MTHFD1L: variants seen among roughly 807,000 people sequenced by gnomAD.
The protein encoded by MTHFD1L is methylenetetrahydrofolate dehydrogenase (NADP+ dependent) 1 like, also known as monofunctional C1-tetrahydrofolate synthase, mitochondrial.
In MTHFD1L, 81 loss-of-function variants were observed where a neutral mutation model predicts 119.5. The observed-to-expected ratio is 0.68, with a 90% CI of 0.57 to 0.82. MTHFD1L has a LOEUF of 0.82. Ranked by LOEUF, MTHFD1L falls within the 40% of genes least tolerant of loss-of-function variation. The pLI is 0.00. For synonymous variants in MTHFD1L, 430 were observed against 475.2 expected (o/e 0.90, Z 1.24); for missense variants, 1,125 against 1,253.4 (o/e 0.90, Z 1.55).
intron 4 of MTHFD1L, among the ~76,000 whole-genome samples, chr6:150,878,637 G>C (rs994359172): frequency 6.6e-6 from 1 of 152,198 alleles, no homozygotes; most frequent in Non-Finnish European, 1.5e-5. Context: ...AGGAGCTCAG[G>C]CTCCTGTCCC....
Position 150,899,995 on chromosome 6 carries a change from T to TA in MTHFD1L, c.781-5655_781-5654insA, listed in dbSNP as rs1428036735. ...CAAAAAAAAATAGATATATATATAT[T>TA]TTTTATATTATATTATATATTATAT... On this transcript the variant is annotated intron_variant, in intron 7 of 27. Coordinates refer to ENST00000367321, the MANE Select transcript of MTHFD1L (RefSeq NM_015440.5). Among the ~76,000 whole-genome samples the TA allele has an allele frequency of 3.8e-4, 56 of 147,448 alleles. No individual in the cohort carries two copies. In the South Asian group the frequency reaches 4.9e-3, roughly 13 times the overall value.
chr6:150,977,907 T>G (rs886533015), intron 20 of MTHFD1L, among the ~76,000 whole-genome samples: 1 of 151,486 alleles, frequency 6.6e-6, no homozygotes, highest in Admixed American at 6.6e-5. Flanking sequence ...TACACCTTTT[T>G]TTTTTTTTTT....
chr6:151,066,087 A>G (rs905182141), intron 26 of MTHFD1L, among the ~76,000 whole-genome samples: 2 of 152,244 alleles, frequency 1.3e-5, no homozygotes, highest in Non-Finnish European at 2.9e-5. Context: ...AGTGATCTCC[A>G]TACTCACAAA....
chr6:151,079,819 T>C (rs1446803612), intron 26 of MTHFD1L, among the ~76,000 whole-genome samples: 1 of 150,990 alleles, frequency 6.6e-6, no homozygotes, highest in Non-Finnish European at 1.5e-5. Context: ...TAGTAAGCCC[T>C]AAAGAGCAGT....
chr6:150,951,090 G>A (rs1399962584), intron 16 of MTHFD1L, among the ~76,000 whole-genome samples: 3 of 145,658 alleles, frequency 2.1e-5, no homozygotes, highest in Admixed American at 6.9e-5. Context: ...AGGTTGGAGT[G>A]CAGTAGTGCA....
intron 20 of MTHFD1L, among the ~76,000 whole-genome samples, chr6:150,991,835 G>A (rs1779104892): frequency 6.6e-6 from 1 of 152,198 alleles, no homozygotes; most frequent in African/African-American, 2.4e-5. Flanking sequence ...TGAAATAGTG[G>A]TTTCAGGAAG....
rs775312534 is a variant in MTHFD1L at position 150,905,724 on chromosome 6, A to AACT, written c.859_861dup (p.Thr287dup). The stretch of plus-strand genomic sequence containing the variant: ...TTCCCCTTACTTGGATACAACCAGG[A>AACT]ACTACTGTTCTCAACTGCTCCCATG... On this transcript the variant is annotated inframe_insertion, in exon 8 of 28. Transcript: ENST00000367321. 6 of 1,614,176 alleles carry AACT rather than the reference A, an allele frequency of 3.7e-6. No homozygotes were observed. The highest frequency in any genetic ancestry group is 8.5e-7 in the Non-Finnish European group (1 of 1,180,004).
At chr6:150,986,196 T>G (rs898832233) in intron 20 of MTHFD1L, among the ~76,000 whole-genome samples, 9 of 152,248 alleles carry the variant, frequency 5.9e-5, no homozygotes, top group African/African-American at 2.2e-4. Flanking sequence ...CTCTAAATTC[T>G]TTTCCTTTAA....
intron 1 of MTHFD1L, among the ~76,000 whole-genome samples, chr6:150,875,318 G>A (rs983201012): frequency 6.6e-6 from 1 of 152,018 alleles, no homozygotes; most frequent in Non-Finnish European, 1.5e-5. Context: ...CAAAGTGCTG[G>A]GACTACAGGT....
intron 8 of MTHFD1L, among the ~76,000 whole-genome samples, chr6:150,909,023 A>C (rs111500580): frequency 5.3e-5 from 8 of 151,980 alleles, no homozygotes; most frequent in African/African-American, 1.9e-4. Context: ...CCTCCTCCTT[A>C]CCCCCGTAAA....
chr6:151,007,253 C>A (rs1195790874), intron 20 of MTHFD1L, among the ~76,000 whole-genome samples: 1 of 151,934 alleles, frequency 6.6e-6, no homozygotes, highest in Non-Finnish European at 1.5e-5. Context: ...TCCGTCCCTC[C>A]CAGTGTGCCG....
At chr6:150,954,271 T>C (rs1795283944) in intron 16 of MTHFD1L, among the ~76,000 whole-genome samples, 1 of 152,258 alleles carries the variant, frequency 6.6e-6, no homozygotes, top group Non-Finnish European at 1.5e-5. Context: ...AGCTTGTTAT[T>C]TGAAGCTGCA....
rs190329699 is a variant in MTHFD1L at position 150,953,971 on chromosome 6, T to C, written c.1727-2024T>C. ...GCTCTGCTTATAGCTGAAAAACTCA[T>C]AAAGAAGGTTTCTGTGTGTTTATAT... On this transcript the variant is annotated intron_variant, in intron 16 of 27. Coordinates refer to ENST00000367321, the MANE Select transcript of MTHFD1L (RefSeq NM_015440.5). Among the ~76,000 whole-genome samples, 452 of 150,708 alleles carry C rather than the reference T, an allele frequency of 3.0e-3. 4 individuals carry two copies. The highest frequency in any genetic ancestry group is 0.01 in the African/African-American group (419 of 40,082).
At chr6:150,930,319 A>T (rs565733507) in intron 11 of MTHFD1L, among the ~76,000 whole-genome samples, 5 of 152,264 alleles carry the variant, frequency 3.3e-5, no homozygotes, top group Non-Finnish European at 7.3e-5. Flanking sequence ...TTGAAATAAA[A>T]ATCATCTTCA....
intron 26 of MTHFD1L, among the ~76,000 whole-genome samples, chr6:151,059,775 T>C (rs1271393964): frequency 1.3e-5 from 2 of 152,150 alleles, no homozygotes; most frequent in African/African-American, 4.8e-5. Context: ...CTCTGCACGG[T>C]GGGTCTGTGC....
chr6:150,915,371 T>C lies in MTHFD1L; in HGVS notation c.893-3206T>C, dbSNP rs116191929. Among the ~76,000 whole-genome samples the C allele has an allele frequency of 1.6e-3, 243 of 152,292 alleles. 1 individual carries two copies. The highest frequency in any genetic ancestry group is 5.5e-3 in the African/African-American group (229 of 41,566). ...CCAGGGAAGCCAAAAGATTACACAT[T>C]GCTGAAAACTTTAGATGTATCAGGA... On this transcript the variant is annotated intron_variant, in intron 8 of 27. Coordinates refer to ENST00000367321, the MANE Select transcript of MTHFD1L (RefSeq NM_015440.5).
intron 10 of MTHFD1L, 120 bp downstream of exon 10, chr6:150,922,422 A>G (rs1789119722): frequency 2.0e-5 from 12 of 600,780 alleles, no homozygotes; most frequent in Admixed American, 3.2e-5. Flanking sequence ...AAGTTTCTCT[A>G]TTCATTAAAT....
In MTHFD1L at chr6:150,936,843, C is replaced by T. The variant is rs1418021509; in HGVS notation, c.1296C>T (p.Val432=). The T allele has an allele frequency of 1.5e-5, 25 of 1,613,988 alleles. No homozygotes were observed. Among genetic ancestry groups the T allele is most frequent in the Non-Finnish European group, 2.1e-5 (25 of 1,179,996 alleles). The stretch of plus-strand genomic sequence containing the variant: ...CTCTTGGAGAAGGGAAGAGCACAGT[C>T]ACCATCGGGCTTGTGCAGGCTCTGA... ...PTPLGEGKST[V]TIGLVQALTA... is the part of the protein sequence containing the mutation. Residue 432 remains valine, a synonymous_variant, in exon 12 of 28, where the codon GTC becomes GTT. Coordinates refer to ENST00000367321, the MANE Select transcript of MTHFD1L (RefSeq NM_015440.5).
At chr6:150,924,904 G>T (rs1789658382) in intron 10 of MTHFD1L, among the ~76,000 whole-genome samples, 1 of 152,154 alleles carries the variant, frequency 6.6e-6, no homozygotes, top group African/African-American at 2.4e-5. Flanking sequence ...GGTCGGATAG[G>T]TGGAGGCCTG....
Sources: allele counts gnomAD v4.1 joint callset (sites outside exome capture counted in the v4.1 genomes callset), GRCh38; gene constraint gnomAD v4.1.1; transcripts MANE v1.5; gene names NCBI Gene and HGNC (gene_info 2026-07-23, HGNC 2026-07-21).